The following CAST variants were observed in gnomAD, a reference collection of about 807,000 sequenced individuals.
CAST encodes MIR583 host.
A neutral mutation model predicts 119.6 loss-of-function variants in CAST; 76 were observed. The ratio of observed to expected loss-of-function variants is 0.64; its 90% CI spans 0.53 to 0.77. The LOEUF (loss-of-function observed/expected upper bound fraction) is 0.77. Ranked by LOEUF, CAST falls within the 30% of genes least tolerant of loss-of-function variation. The pLI is 0.00. For synonymous variants in CAST, 319 were observed against 331.6 expected (o/e 0.96, Z 0.41); for missense variants, 953 against 946.5 (o/e 1.01, Z -0.09).
intron 1 of CAST, among the ~76,000 whole-genome samples, chr5:96,608,020 G>A (rs1747292912): frequency 7.0e-6 from 1 of 142,472 alleles, no homozygotes; most frequent in African/African-American, 2.5e-5. Context: ...ACTATTAACT[G>A]TAGTCCCTGT....
intron 1 of CAST, among the ~76,000 whole-genome samples, chr5:96,548,119 ATCT>A (rs1293298302): frequency 2.0e-5 from 3 of 152,212 alleles, no homozygotes; most frequent in Non-Finnish European, 4.4e-5. Flanking sequence ...TATCCAAGTA[ATCT>A]TCTCAAAGAT....
chr5:96,042,253 G>A, the CAST span, among the ~76,000 whole-genome samples: 2,189 of 152,306 alleles, frequency 0.014, 44 homozygotes, highest in African/African-American at 0.05. Flanking sequence ...TCTACCTCTA[G>A]AGATTTCCTA....
At chr5:95,961,989 G>T in the CAST span, 2 of 423,528 alleles carry the variant, frequency 4.7e-6, no homozygotes, top group African/African-American at 4.1e-5. Context: ...TCACGGGGGC[G>T]GGCCCAAAGT....
the CAST span, among the ~76,000 whole-genome samples, chr5:96,118,836 C>T: frequency 1.3e-5 from 2 of 149,804 alleles, no homozygotes; most frequent in African/African-American, 2.5e-5. Flanking sequence ...TTTTTCTTAG[C>T]GTCAGTTACT....
chr5:96,740,651 G>A, intron 12 of CAST, 94 bp from the exon 13 acceptor site: 1 of 843,842 alleles, frequency 1.2e-6, no homozygotes, highest in South Asian at 1.4e-5. Flanking sequence ...TCTGGGGTGG[G>A]AGGCACAATT....
At chr5:96,013,359 A>G in the CAST span, among the ~76,000 whole-genome samples, 19 of 151,984 alleles carry the variant, frequency 1.3e-4, no homozygotes, top group African/African-American at 4.3e-4. Context: ...TACTTTTTGA[A>G]TTCTTTGCTT....
chr5:96,499,982 G>T, the CAST span, among the ~76,000 whole-genome samples: 1 of 152,048 alleles, frequency 6.6e-6, no homozygotes, highest in Non-Finnish European at 1.5e-5. Context: ...TGTGCCTCAG[G>T]GAATAGGGAG....
the CAST span, among the ~76,000 whole-genome samples, chr5:96,008,914 C>T: frequency 6.6e-6 from 1 of 152,000 alleles, no homozygotes; most frequent in Non-Finnish European, 1.5e-5. Context: ...AGTATGGATC[C>T]CATCATCCAG....
At chr5:96,244,052 G>C in the CAST span, among the ~76,000 whole-genome samples, 1 of 152,208 alleles carries the variant, frequency 6.6e-6, no homozygotes, top group Non-Finnish European at 1.5e-5. Flanking sequence ...AGGTTAGAAA[G>C]TGGCTAGAGT....
At chr5:96,340,911 A>T in the CAST span, among the ~76,000 whole-genome samples, 20 of 152,350 alleles carry the variant, frequency 1.3e-4, no homozygotes, top group Admixed American at 1.3e-3. Flanking sequence ...ATGAATGATA[A>T]TGGACATGAA....
chr5:96,480,712 G>T, the CAST span, among the ~76,000 whole-genome samples: 1 of 152,168 alleles, frequency 6.6e-6, no homozygotes, highest in Non-Finnish European at 1.5e-5. Context: ...AGGAAACCCA[G>T]ATATTGTGGT....
chr5:95,961,497 C>A, the CAST span: 2 of 1,363,094 alleles, frequency 1.5e-6, no homozygotes, highest in Non-Finnish European at 1.9e-6. Context: ...GCTCCGCCGG[C>A]CCCGCACCCG....
chr5:96,011,052 G>T, the CAST span, among the ~76,000 whole-genome samples: 2 of 152,184 alleles, frequency 1.3e-5, no homozygotes, highest in Non-Finnish European at 2.9e-5. Flanking sequence ...AATGAAGAGA[G>T]ATAGTTTAAC....
At chr5:96,131,434 C>G in the CAST span, among the ~76,000 whole-genome samples, 1 of 151,948 alleles carries the variant, frequency 6.6e-6, no homozygotes, top group Non-Finnish European at 1.5e-5. Context: ...CACACACACA[C>G]ACACACACAT....
At chr5:96,570,471 G>A (rs895715463) in intron 1 of CAST, among the ~76,000 whole-genome samples, 1 of 151,962 alleles carries the variant, frequency 6.6e-6, no homozygotes. Flanking sequence ...TCAAAGAAGG[G>A]CAATTAATAA....
chr5:96,108,510 G>A, the CAST span, among the ~76,000 whole-genome samples: 2 of 152,160 alleles, frequency 1.3e-5, no homozygotes, highest in African/African-American at 4.8e-5. Context: ...GCCCCTGCTG[G>A]GGGGTGCCTC....
At chr5:96,354,754 T>C in the CAST span, among the ~76,000 whole-genome samples, 1 of 149,616 alleles carries the variant, frequency 6.7e-6, no homozygotes, top group Non-Finnish European at 1.5e-5. Context: ...TAATTTTATA[T>C]ATATTTACGT....
At chr5:96,514,469 T>C in the CAST span, among the ~76,000 whole-genome samples, 3 of 152,220 alleles carry the variant, frequency 2.0e-5, no homozygotes, top group Non-Finnish European at 2.9e-5. Flanking sequence ...ATGAATGATA[T>C]TTCTTTTATA....
the CAST span, among the ~76,000 whole-genome samples, chr5:96,024,227 G>A: frequency 6.6e-6 from 1 of 152,174 alleles, no homozygotes; most frequent in Admixed American, 6.5e-5. Flanking sequence ...ATTGTGTCAA[G>A]ATGAGCACTT....
Sources: allele counts gnomAD v4.1 joint callset (sites outside exome capture counted in the v4.1 genomes callset), GRCh38; gene constraint gnomAD v4.1.1; transcripts MANE v1.5; gene names NCBI Gene and HGNC (gene_info 2026-07-23, HGNC 2026-07-21).